NCAPG: variants seen among roughly 807,000 people sequenced by gnomAD.
NCAPG encodes the protein condensin complex subunit 3.
A neutral mutation model predicts 113.1 loss-of-function variants in NCAPG; 69 were observed. That is an observed-to-expected ratio of 0.61 (90% confidence interval 0.50 to 0.75). NCAPG has a LOEUF of 0.75. Ranked by LOEUF, NCAPG falls within the 30% of genes least tolerant of loss-of-function variation. NCAPG has a pLI of 0.00. For missense variants in NCAPG, 1,058 were observed against 1,177.0 expected (o/e 0.90, Z 1.48); for synonymous variants, 370 against 415.8 (o/e 0.89, Z 1.34).
intron 5 of NCAPG, 82 bp downstream of exon 5, chr4:17,815,440 A>G: frequency 9.9e-7 from 1 of 1,007,494 alleles, no homozygotes; most frequent in Non-Finnish European, 1.5e-6. Context: ...CGAGTGTCAA[A>G]TCAGGTCAAG....
At chr4:17,816,363 G>A (rs757237373) in intron 5 of NCAPG, among the ~76,000 whole-genome samples, 1 of 152,162 alleles carries the variant, frequency 6.6e-6, no homozygotes, top group Non-Finnish European at 1.5e-5. Flanking sequence ...CCTCCTGTGC[G>A]GCCCGGTTCC....
chr4:17,833,049 C>T (rs1721924304), intron 13 of NCAPG, among the ~76,000 whole-genome samples: 1 of 151,948 alleles, frequency 6.6e-6, no homozygotes, highest in Admixed American at 6.6e-5. Context: ...GTTATAGAGC[C>T]AAGTTATTTT....
At position 17,830,996 on chromosome 4, in the gene NCAPG, G is replaced by A. The variant is rs1721846606; in HGVS notation, c.1765-1G>A. Reference sequence around the variant, plus strand: ...TATGGAAAATTTCTGATTCATTTTAGATTCTTCCTGGAATAATAAGTATTC... The same window carrying A: ...TATGGAAAATTTCTGATTCATTTTAAATTCTTCCTGGAATAATAAGTATTC... On this transcript the variant is annotated splice_acceptor_variant, in intron 12 of 20. Transcript: ENST00000251496. LOFTEE classifies it high-confidence loss of function. 1 of 1,609,498 alleles carries A rather than the reference G, an allele frequency of 6.2e-7. No homozygotes were observed. The highest frequency in any genetic ancestry group is 1.3e-5 in the African/African-American group (1 of 74,754).
At chr4:17,814,204 A>G (rs1171991228) in intron 3 of NCAPG, among the ~76,000 whole-genome samples, 1 of 152,216 alleles carries the variant, frequency 6.6e-6, no homozygotes, top group African/African-American at 2.4e-5. Flanking sequence ...GAGGAGTAGC[A>G]CAGACATAAT....
intron 7 of NCAPG, among the ~76,000 whole-genome samples, chr4:17,820,774 A>T (rs1198033950): frequency 6.6e-6 from 1 of 152,190 alleles, no homozygotes; most frequent in Admixed American, 6.5e-5. Context: ...TCTCAGGAAT[A>T]TGTTTTCAGG....
rs1314745260 is a variant in NCAPG at position 17,844,031 on chromosome 4, G to A, written c.*606G>A. On this transcript the variant is annotated 3_prime_UTR_variant, in exon 21 of 21. Transcript: ENST00000251496. ...CTCTCTTCCTAAAGTATTTGTATAT[G>A]GGAGTCCTTGTTTGTGAATGTTTCC... The A allele has an allele frequency of 6.6e-6, 1 of 151,934 alleles. No individual in the cohort carries two copies. The highest frequency in any genetic ancestry group is 1.9e-4 in the East Asian group (1 of 5,188). The allele number at this position is 151,934 out of a possible 1,614,324, so 9.4% of individuals were successfully genotyped here. A position where few individuals can be genotyped will look rare whatever the true frequency, so the allele number is the denominator to read the frequency against.
intron 7 of NCAPG, among the ~76,000 whole-genome samples, chr4:17,820,630 GA>G (rs1297376084): frequency 6.6e-6 from 1 of 151,992 alleles, no homozygotes; most frequent in Non-Finnish European, 1.5e-5. Context: ...AAAACTTTCA[GA>G]AATTTATTTT....
intron 12 of NCAPG, among the ~76,000 whole-genome samples, chr4:17,828,989 C>T (rs914291386): frequency 2.0e-5 from 3 of 150,110 alleles, no homozygotes; most frequent in Non-Finnish European, 4.4e-5. Flanking sequence ...TGAATATATC[C>T]AACTGTATTA....
At chr4:17,819,682 G>T (rs1396720837) in intron 7 of NCAPG, among the ~76,000 whole-genome samples, 2 of 152,220 alleles carry the variant, frequency 1.3e-5, no homozygotes, top group Admixed American at 1.3e-4. Context: ...TTACAGGCGT[G>T]AGCCACAGCG....
chr4:17,833,208 T>TA lies in NCAPG; in HGVS notation c.1885-1086dup, dbSNP rs1348985935. The stretch of plus-strand genomic sequence containing the variant: ...AATGTGGTGAAACCCCCATCTCTAC[T>TA]AAAAATACAAAAATTAGCCAGGCAT... On this transcript the variant is annotated intron_variant, in intron 13 of 20. Transcript: ENST00000251496. Among the ~76,000 whole-genome samples, 5 of 152,062 alleles carry TA rather than the reference T, an allele frequency of 3.3e-5. No homozygotes were observed. The East Asian group carries it at 9.7e-4, about 29-fold the overall frequency.
rs886983764 is a variant in NCAPG at position 17,834,477 on chromosome 4, C to T, written c.2063C>T (p.Thr688Ile). Reference protein sequence around the residue: ...QESKEVEETATAKNVLKLLSD... With the variant: ...QESKEVEETAIAKNVLKLLSD... ...TCAAAAGAAGTTGAAGAGACTGCTA[C>T]AGCTAAGAATGTTCTGAAACTCCTT... The change falls in exon 14 of 21, where the codon ACA becomes ATA. Residue 688 changes from threonine (T) to isoleucine (I), a missense_variant. Transcript: ENST00000251496. 1 of 1,605,806 alleles carries T rather than the reference C, an allele frequency of 6.2e-7. No homozygotes were observed. The highest frequency in any genetic ancestry group is 1.3e-5 in the African/African-American group (1 of 74,632).
Position 17,813,102 on chromosome 4 carries a change from A to G in NCAPG, c.501A>G (p.Ser167=). The G allele has an allele frequency of 6.2e-7, 1 of 1,614,102 alleles. No individual in the cohort carries two copies. Among genetic ancestry groups the G allele is most frequent in the African/African-American group, 1.3e-5 (1 of 75,074 alleles). Residue 167 remains serine, a synonymous_variant, in exon 3 of 21, where the codon TCA becomes TCG. Coordinates refer to ENST00000251496, the MANE Select transcript of NCAPG (RefSeq NM_022346.5). ...NVRIQAVLAL[S]RLQDPKDDEC... ...GAATACAGGCAGTTCTGGCGCTTTCACGACTTCAGGATCCCAAGGATGATG... is the reference window on the plus strand; with the variant it reads ...GAATACAGGCAGTTCTGGCGCTTTCGCGACTTCAGGATCCCAAGGATGATG...
At chr4:17,818,118 T>A (rs1721293609) in intron 7 of NCAPG, 30 bp downstream of exon 7, 1 of 1,581,462 alleles carries the variant, frequency 6.3e-7, no homozygotes, top group Non-Finnish European at 8.6e-7. Flanking sequence ...GTTTGGAGAG[T>A]GATTGTGTTG....
In NCAPG at chr4:17,834,619, T is replaced by A. The variant is rs975449089; in HGVS notation, c.2109+96T>A. ...TTTAAATTTATTATAGTTTAAGTCC[T>A]GTGATACATGTGCAGAACATACAGG... On this transcript the variant is annotated intron_variant, in intron 14 of 20. Transcript: ENST00000251496. 32 of 773,604 alleles carry A rather than the reference T, an allele frequency of 4.1e-5. No individual in the cohort carries two copies. In the East Asian group the frequency reaches 9.9e-4, roughly 24 times the overall value. 47.9% of individuals were successfully genotyped at this position (773,604 alleles called of 1,614,324 possible).
chr4:17,836,542 C>T (rs1037095487), intron 14 of NCAPG, among the ~76,000 whole-genome samples: 1 of 152,044 alleles, frequency 6.6e-6, no homozygotes, highest in Non-Finnish European at 1.5e-5. Flanking sequence ...TCCCTGTTTT[C>T]TTCTGAGAGT....
chr4:17,822,911 C>A, intron 7 of NCAPG, 72 bp from the exon 8 acceptor site: 3 of 1,300,454 alleles, frequency 2.3e-6, no homozygotes, highest in Non-Finnish European at 2.1e-6. Context: ...CCTTTTCTGA[C>A]CTAATGGTGG....
chr4:17,822,909 G>C (rs1196411217), intron 7 of NCAPG, 74 bp from the exon 8 acceptor site: 17 of 1,286,864 alleles, frequency 1.3e-5, no homozygotes, highest in Non-Finnish European at 1.8e-5. Flanking sequence ...GCCCTTTTCT[G>C]ACCTAATGGT....
In NCAPG at chr4:17,831,147, G is replaced by C. The variant is rs546080261; in HGVS notation, c.1884+31G>C. The stretch of plus-strand genomic sequence containing the variant: ...ATTTATCTTGTGATAAATCTCAACT[G>C]TATTTCCTGAAATACTCTGTGGCGA... On this transcript the variant is annotated intron_variant, in intron 13 of 20. Transcript: ENST00000251496. The C allele has an allele frequency of 2.5e-6, 4 of 1,605,426 alleles. No homozygotes were observed. The African/African-American group carries it at 5.4e-5, about 22-fold the overall frequency.
intron 4 of NCAPG, 93 bp from the exon 5 acceptor site, chr4:17,815,177 TTTGG>T: frequency 7.7e-7 from 1 of 1,296,230 alleles, no homozygotes; most frequent in South Asian, 1.4e-5. Flanking sequence ...ATTAATTTCT[TTTGG>T]AGATTCTGGG....
Sources: gnomAD v4.1 joint callset for allele counts (sites outside exome capture counted in the v4.1 genomes callset) on GRCh38, gnomAD v4.1.1 for gene constraint, MANE v1.5 for transcripts, NCBI Gene and HGNC (gene_info 2026-07-23, HGNC 2026-07-21) for gene names.